MAP2K6: variants seen among roughly 807,000 people sequenced by gnomAD.
MAP2K6 encodes the protein mitogen-activated protein kinase kinase 6.
MAP2K6 carries 16 observed loss-of-function variants against 53.7 expected under a neutral mutation model. The ratio of observed to expected loss-of-function variants is 0.30; its 90% confidence interval spans 0.20 to 0.45. MAP2K6 has a LOEUF of 0.45. Among genes scored for constraint, MAP2K6 ranks in the 20% least tolerant of loss-of-function variants. MAP2K6 has a pLI of 1.00. For synonymous variants in MAP2K6, 132 were observed against 143.1 expected (o/e 0.92, Z 0.55); for missense variants, 204 against 411.9 (o/e 0.50, Z 4.37).
intron 1 of MAP2K6, among the ~76,000 whole-genome samples, chr17:69,476,813 T>C (rs962587236): frequency 6.6e-6 from 1 of 152,226 alleles, no homozygotes; most frequent in African/African-American, 2.4e-5. Flanking sequence ...CTGCCATTGG[T>C]TGGCTGGACC....
intron 1 of MAP2K6, among the ~76,000 whole-genome samples, chr17:69,478,645 G>A (rs781629787): frequency 5.9e-5 from 9 of 152,090 alleles, no homozygotes; most frequent in Non-Finnish European, 2.9e-5. Flanking sequence ...TGTTGGTCTC[G>A]AACTCCTGAC....
intron 1 of MAP2K6, among the ~76,000 whole-genome samples, chr17:69,470,122 T>C (rs11657404): frequency 0.049 from 7,464 of 152,206 alleles, 245 homozygotes; most frequent in Middle Eastern, 0.088. Flanking sequence ...GGAGGATCCC[T>C]TGAGCCCAGG....
chr17:69,465,034 A>G (rs1907750296), intron 1 of MAP2K6, among the ~76,000 whole-genome samples: 2 of 152,038 alleles, frequency 1.3e-5, no homozygotes, highest in African/African-American at 4.8e-5. Context: ...TTTATTTAAG[A>G]GAATAAATAT....
Position 69,476,752 on chromosome 17 carries a change from C to G in MAP2K6, c.17-29028C>G, listed in dbSNP as rs140277813. 4.4e-3 allele frequency among the ~76,000 whole-genome samples: 676 copies of G among 152,304 alleles called. 5 individuals are homozygous for G. Among genetic ancestry groups the G allele is most frequent in the African/African-American group, 0.016 (660 of 41,562 alleles). ...TGGTCTGTTATGATCAGCCTTTCCCCAAGGGCCTGGCTGATATCTGTGAAG... is the reference window on the plus strand; with the variant it reads ...TGGTCTGTTATGATCAGCCTTTCCCGAAGGGCCTGGCTGATATCTGTGAAG... On this transcript the variant is annotated intron_variant, in intron 1 of 11. Transcript: ENST00000590474.
At chr17:69,512,274 A>G (rs938139080) in intron 2 of MAP2K6, among the ~76,000 whole-genome samples, 10 of 149,800 alleles carry the variant, frequency 6.7e-5, no homozygotes, top group African/African-American at 2.2e-4. Flanking sequence ...CATACTGTGC[A>G]TGAGAAGCCA....
Position 69,541,757 on chromosome 17 carries a change from G to A in MAP2K6, c.*4G>A, listed in dbSNP as rs1186178052. On this transcript the variant is annotated 3_prime_UTR_variant, in exon 12 of 12. Transcript: ENST00000590474. ...AAAACTGATTCTTGGAGACTAAAAA[G>A]CAGTGGACTTAATCGGTTGACCCTA... 3 of 1,610,738 alleles carry A rather than the reference G, an allele frequency of 1.9e-6. No homozygotes were observed. Among genetic ancestry groups the A allele is most frequent in the East Asian group, 2.2e-5 (1 of 44,770 alleles).
chr17:69,534,315 G>C (rs111644862), intron 10 of MAP2K6, among the ~76,000 whole-genome samples: 5 of 152,120 alleles, frequency 3.3e-5, no homozygotes, highest in Admixed American at 3.3e-4. Context: ...AGACTTTGCC[G>C]CCTGTTAATT....
At chr17:69,446,671 T>A (rs1309619655) in intron 1 of MAP2K6, among the ~76,000 whole-genome samples, 1 of 152,148 alleles carries the variant, frequency 6.6e-6, no homozygotes, top group Non-Finnish European at 1.5e-5. Flanking sequence ...CCAACTTCGA[T>A]CAGGGGCACT....
chr17:69,468,768 A>G (rs1397435205), intron 1 of MAP2K6, among the ~76,000 whole-genome samples: 2 of 152,166 alleles, frequency 1.3e-5, no homozygotes, highest in African/African-American at 2.4e-5. Flanking sequence ...TCTGCTTATC[A>G]CTAGAGAGAG....
Position 69,542,485 on chromosome 17 carries a change from CAT to C in MAP2K6, c.*736_*737del, listed in dbSNP as rs1911687580. Reference sequence around the variant, plus strand: ...AACTTTGGAAAACATAAAAATCACTCATATAACAGCTCAAAGAGTAAAACATT... The same window carrying C: ...AACTTTGGAAAACATAAAAATCACTCATAACAGCTCAAAGAGTAAAACATT... On this transcript the variant is annotated 3_prime_UTR_variant, in exon 12 of 12. Coordinates refer to ENST00000590474, the MANE Select transcript of MAP2K6 (RefSeq NM_002758.4). The C allele has an allele frequency of 6.6e-6, 1 of 152,456 alleles. No homozygotes were observed. Among genetic ancestry groups the C allele is most frequent in the African/African-American group, 2.4e-5 (1 of 41,438 alleles). The allele number at this position is 152,456 out of a possible 1,614,324, so 9.4% of individuals were successfully genotyped here. A position where few individuals can be genotyped will look rare whatever the true frequency, so the allele number is the denominator to read the frequency against.
rs984529566 is a variant in MAP2K6 at position 69,519,986 on chromosome 17, G to A, written c.367-284G>A. The A allele has an allele frequency of 2.0e-5, 7 of 345,636 alleles. No homozygotes were observed. In the East Asian group the frequency reaches 4.7e-4, roughly 23 times the overall value. The allele number at this position is 345,636 out of a possible 1,614,324, so 21.4% of individuals were successfully genotyped here. Reference sequence around the variant, plus strand: ...GGTATCAGTAAAGGCCTGGATATCTGGGGTTGTATTGCTTATGTCTGTTAG... The same window carrying A: ...GGTATCAGTAAAGGCCTGGATATCTAGGGTTGTATTGCTTATGTCTGTTAG... On this transcript the variant is annotated intron_variant, in intron 5 of 11. Transcript: ENST00000590474.
chr17:69,428,196 G>A (rs999080255), intron 1 of MAP2K6, among the ~76,000 whole-genome samples: 3 of 152,168 alleles, frequency 2.0e-5, no homozygotes, highest in South Asian at 2.1e-4. Flanking sequence ...CACAAATTGG[G>A]TGGCTTAAAC....
chr17:69,429,115 G>T (rs550188354), intron 1 of MAP2K6, among the ~76,000 whole-genome samples: 7 of 152,056 alleles, frequency 4.6e-5, no homozygotes, highest in Non-Finnish European at 7.4e-5. Flanking sequence ...GTAACAAATG[G>T]TCCTAGTCCT....
At chr17:69,446,515 T>C (rs1191279642) in intron 1 of MAP2K6, among the ~76,000 whole-genome samples, 1 of 152,242 alleles carries the variant, frequency 6.6e-6, no homozygotes, top group African/African-American at 2.4e-5. Flanking sequence ...TCCAGAGCTC[T>C]CATGTGTATC....
chr17:69,538,390 T>C (rs1365084763), intron 11 of MAP2K6, among the ~76,000 whole-genome samples: 2 of 152,216 alleles, frequency 1.3e-5, no homozygotes, highest in East Asian at 1.9e-4. Flanking sequence ...ATCAATGTTA[T>C]AAAATCATGT....
In MAP2K6 at chr17:69,449,562, TTTCTTTC is replaced by T. The variant is rs1397925520; in HGVS notation, c.16+34565_16+34571del. On this transcript the variant is annotated intron_variant, in intron 1 of 11. Transcript: ENST00000590474. The stretch of plus-strand genomic sequence containing the variant: ...CTTTCTTTCTTTCTTTCTTTCTTTA[TTTCTTTC>T]TTTCTTTCTTTCTTTCTTTCTTTTT... Among the ~76,000 whole-genome samples, 32 of 49,846 alleles carry T rather than the reference TTTCTTTC, an allele frequency of 6.4e-4. No individual in the cohort carries two copies. The East Asian group carries it at 8.3e-3, about 13-fold the overall frequency. 32.7% of individuals were successfully genotyped at this position (49,846 alleles called of 152,430 possible).
intron 1 of MAP2K6, among the ~76,000 whole-genome samples, chr17:69,425,600 C>T (rs191209734): frequency 3.3e-5 from 5 of 152,282 alleles, no homozygotes; most frequent in African/African-American, 7.2e-5. Flanking sequence ...CATGAGCCAC[C>T]GCACCCGGCC....
At chr17:69,442,647 G>A (rs1906856799) in intron 1 of MAP2K6, among the ~76,000 whole-genome samples, 1 of 152,176 alleles carries the variant, frequency 6.6e-6, no homozygotes, top group South Asian at 2.1e-4. Flanking sequence ...TAACTAAATT[G>A]CAGTTCAATG....
intron 1 of MAP2K6, among the ~76,000 whole-genome samples, chr17:69,499,498 T>C (rs1909072350): frequency 6.6e-6 from 1 of 152,248 alleles, no homozygotes; most frequent in African/African-American, 2.4e-5. Flanking sequence ...GTGGGACAGC[T>C]GGGATTTGAA....
Sources: gnomAD v4.1 joint callset for allele counts (sites outside exome capture counted in the v4.1 genomes callset) on GRCh38, gnomAD v4.1.1 for gene constraint, MANE v1.5 for transcripts, NCBI Gene and HGNC (gene_info 2026-07-23, HGNC 2026-07-21) for gene names.